RFXANK: variants seen among roughly 807,000 people sequenced by gnomAD.
RFXANK encodes the protein DNA-binding protein RFXANK.
In RFXANK, 19 loss-of-function variants were observed where a neutral mutation model predicts 34.5. That is an observed-to-expected ratio of 0.55 (90% CI 0.38 to 0.81). The LOEUF (loss-of-function observed/expected upper bound fraction) is 0.81. Ranked by LOEUF, RFXANK falls within the 30% of genes least tolerant of loss-of-function variation. The pLI is 0.00. For synonymous variants in RFXANK, 154 were observed against 149.8 expected (o/e 1.03, Z -0.20); for missense variants, 295 against 343.5 (o/e 0.86, Z 1.12).
intron 9 of RFXANK, among the ~76,000 whole-genome samples, chr19:19,200,147 A>C (rs1367666010): frequency 2.8e-5 from 4 of 145,450 alleles, no homozygotes; most frequent in African/African-American, 1.0e-4. Flanking sequence ...GGCATTCGTC[A>C]CCATGCCTGG....
intron 3 of RFXANK, among the ~76,000 whole-genome samples, chr19:19,195,166 C>G (rs2060576036): frequency 6.7e-6 from 1 of 148,248 alleles, no homozygotes; most frequent in Non-Finnish European, 1.5e-5. Context: ...TCACGCCATT[C>G]TCCTGCTTCA....
In RFXANK at chr19:19,197,246, G is replaced by A. The variant is rs752109217; in HGVS notation, c.332G>A (p.Arg111Gln). Residue 111 changes from arginine to glutamine, a missense_variant, in exon 5 of 10, where the codon CGG becomes CAG. Transcript: ENST00000303088. Reference protein sequence around the residue: ...GELDQLKEHLRKGDNLVNKPD... With the variant: ...GELDQLKEHLQKGDNLVNKPD... Reference sequence around the variant, plus strand: ...CTGGACCAGCTGAAGGAGCATTTGCGGAAAGGTGCGTGTCCACACACATGT... The same window carrying A: ...CTGGACCAGCTGAAGGAGCATTTGCAGAAAGGTGCGTGTCCACACACATGT... 74 of 1,612,730 alleles carry A rather than the reference G, an allele frequency of 4.6e-5. No individual in the cohort carries two copies. The highest frequency in any genetic ancestry group is 1.5e-4 in the Admixed American group (9 of 59,998).
chr19:19,201,385 T>C, intron 9 of RFXANK: 1 of 1,281,670 alleles, frequency 7.8e-7, no homozygotes, highest in Non-Finnish European at 1.1e-6. Flanking sequence ...GGCTCATCTT[T>C]TCATGAAAGT....
rs770144513 is a variant in RFXANK, at chr19:19,197,199, C to G, written c.285C>G (p.His95Gln). The G allele has an allele frequency of 6.2e-7, 1 of 1,613,932 alleles. No individual in the cohort carries two copies. Residue 95 changes from histidine to glutamine, a missense_variant, in exon 5 of 10, where the codon CAC becomes CAG. Coordinates refer to ENST00000303088, the MANE Select transcript of RFXANK (RefSeq NM_003721.4). Reference sequence around the variant, plus strand: ...GTCCTGCCCCAGCCCTGTCCATCCACCAGCTCGCAGCACAGGGGGAGCTGG... The same window carrying G: ...GTCCTGCCCCAGCCCTGTCCATCCAGCAGCTCGCAGCACAGGGGGAGCTGG... ...LPATLDSLSI[H>Q]QLAAQGELDQ...
rs1332695497 is a variant in RFXANK at position 19,197,231 on chromosome 19, T to G, written c.317T>G (p.Leu106Arg). The G allele has an allele frequency of 1.9e-6, 3 of 1,613,196 alleles. No homozygotes were observed. Among genetic ancestry groups the G allele is most frequent in the Non-Finnish European group, 2.5e-6 (3 of 1,180,036 alleles). Residue 106 changes from leucine (L) to arginine (R), a missense_variant, in exon 5 of 10, where the codon CTG becomes CGG. Transcript: ENST00000303088. ...GCAGCACAGGGGGAGCTGGACCAGC[T>G]GAAGGAGCATTTGCGGAAAGGTGCG... ...QLAAQGELDQ[L>R]KEHLRKGDNL...
At chr19:19,199,339 G>C in intron 9 of RFXANK, 105 bp downstream of exon 9, 1 of 1,118,400 alleles carries the variant, frequency 8.9e-7, no homozygotes, top group South Asian at 1.2e-5. Flanking sequence ...CCGGCAGCGA[G>C]AGTGTGTTGA....
intron 5 of RFXANK, 77 bp from the exon 6 acceptor site, chr19:19,197,444 C>A: frequency 6.8e-7 from 1 of 1,462,762 alleles, no homozygotes; most frequent in Non-Finnish European, 9.5e-7. Context: ...CAGCCCCCCA[C>A]CTCGTCCCCA....
In RFXANK at chr19:19,192,313, G is replaced by T. The variant is rs2060496154; in HGVS notation, c.-391G>T. 3 of 692,078 alleles carry T rather than the reference G, an allele frequency of 4.3e-6. No individual in the cohort carries two copies. In the South Asian group the frequency reaches 5.7e-5, roughly 13 times the overall value. 42.9% of individuals were successfully genotyped at this position (692,078 alleles called of 1,614,324 possible). A position where few individuals can be genotyped will look rare whatever the true frequency, so the allele number is the denominator to read the frequency against. On this transcript the variant is annotated 5_prime_UTR_variant, in exon 1 of 10. Transcript: ENST00000303088. ...CGCAGGGAAGGAGGCACACCCGGGG[G>T]TGGCGCAGTGAGGAGGGGGCGCGAC...
At chr19:19,197,288 C>T (rs1040416193) in intron 5 of RFXANK, 37 bp downstream of exon 5, 3 of 1,604,804 alleles carry the variant, frequency 1.9e-6, no homozygotes, top group Non-Finnish European at 2.6e-6. Context: ...ATGTCTGCAC[C>T]TGGCTGGTGT....
rs776149718 is a variant in RFXANK, at chr19:19,197,571, TG to T, written c.391del (p.Ala131ProfsTer73). ...CGAGCGCGGCTTCACCCCCCTCATC[TG>T]GGCCTCCGCCTTTGGAGAGATTGAG... ...PDERGFTPLI[W>X]ASAFGEIETV... On this transcript the variant is annotated frameshift_variant, in exon 6 of 10. Coordinates refer to ENST00000303088, the MANE Select transcript of RFXANK (RefSeq NM_003721.4). LOFTEE classifies it high-confidence loss of function. 1.2e-6 allele frequency: 2 copies of T among 1,613,894 alleles called. No individual in the cohort carries two copies. Among genetic ancestry groups the T allele is most frequent in the Non-Finnish European group, 1.7e-6 (2 of 1,180,006 alleles).
chr19:19,197,234 A>T lies in RFXANK; in HGVS notation c.320A>T (p.Lys107Met). The T allele has an allele frequency of 6.2e-7, 1 of 1,613,282 alleles. No individual in the cohort carries two copies. Among genetic ancestry groups the T allele is most frequent in the Non-Finnish European group, 8.5e-7 (1 of 1,180,026 alleles). Residue 107 changes from lysine to methionine, a missense_variant, in exon 5 of 10, where the codon AAG becomes ATG. Physicochemically the swap from Lys to Met is moderately conservative, Grantham distance 95 (BLOSUM62 -1). Transcript: ENST00000303088. ...GCACAGGGGGAGCTGGACCAGCTGAAGGAGCATTTGCGGAAAGGTGCGTGT... is the reference window on the plus strand; with the variant it reads ...GCACAGGGGGAGCTGGACCAGCTGATGGAGCATTTGCGGAAAGGTGCGTGT... The part of the protein sequence containing the change: ...LAAQGELDQL[K>M]EHLRKGDNLV...
chr19:19,194,648 C>T (rs1031838160), intron 3 of RFXANK, among the ~76,000 whole-genome samples: 5 of 152,026 alleles, frequency 3.3e-5, no homozygotes, highest in Admixed American at 1.3e-4. Flanking sequence ...CACTCAGCCT[C>T]CCTAGGAGCT....
chr19:19,197,080 A>G (rs1188060430), intron 4 of RFXANK, 34 bp downstream of exon 4: 1 of 1,612,586 alleles, frequency 6.2e-7, no homozygotes, highest in Non-Finnish European at 8.5e-7. Flanking sequence ...CAAGGAGAGG[A>G]GTAGGAGGGT....
chr19:19,197,109 C>T lies in RFXANK; in HGVS notation c.271+63C>T, dbSNP rs988142211. The T allele has an allele frequency of 2.5e-6, 4 of 1,610,342 alleles. No homozygotes were observed. In the African/African-American group the frequency reaches 5.3e-5, roughly 22 times the overall value. On this transcript the variant is annotated intron_variant, in intron 4 of 9. Coordinates refer to ENST00000303088, the MANE Select transcript of RFXANK (RefSeq NM_003721.4). ...GGAGGGTGGGAGGGCCTGTGAGGAG[C>T]AATCGTGGACAGAGGGTAAACTGAG...
In RFXANK at chr19:19,194,618, A is replaced by G. The variant is rs78977330; in HGVS notation, c.187+485A>G. 3.2e-3 allele frequency among the ~76,000 whole-genome samples: 486 copies of G among 151,310 alleles called. 1 individual carries two copies. The highest frequency in any genetic ancestry group is 5.6e-3 in the Non-Finnish European group (381 of 67,890). ...GCAATCATAGTTCACTGCAGCCTCAACTTCCTGGGCTGAAGCCATCACTCA... is the reference window on the plus strand; with the variant it reads ...GCAATCATAGTTCACTGCAGCCTCAGCTTCCTGGGCTGAAGCCATCACTCA... On this transcript the variant is annotated intron_variant, in intron 3 of 9. Transcript: ENST00000303088.
chr19:19,197,161 G>A (rs758782940), intron 4 of RFXANK, 25 bp from the exon 5 acceptor site: 3 of 1,613,824 alleles, frequency 1.9e-6, no homozygotes, highest in African/African-American at 1.3e-5. Context: ...GGATGAGTGA[G>A]GACTCTGCCT....
chr19:19,199,059 G>T, intron 8 of RFXANK, 95 bp from the exon 9 acceptor site: 1 of 1,222,320 alleles, frequency 8.2e-7, no homozygotes, highest in Non-Finnish European at 1.2e-6. Flanking sequence ...GCTGCATTGT[G>T]GGGAATGAGG....
intron 9 of RFXANK, 173 bp from the exon 10 acceptor site, chr19:19,201,476 A>G: frequency 1.3e-6 from 2 of 1,579,712 alleles, no homozygotes; most frequent in Non-Finnish European, 1.7e-6. Context: ...TTACAAACTT[A>G]GGGGAAGTTG....
intron 2 of RFXANK, among the ~76,000 whole-genome samples, 182 bp from the exon 3 acceptor site, chr19:19,193,757 G>A (rs1397712379): frequency 6.6e-6 from 1 of 152,140 alleles, no homozygotes; most frequent in Non-Finnish European, 1.5e-5. Context: ...GTGCTTTGGT[G>A]GTGGGGAATG....
Sources: allele counts gnomAD v4.1 joint callset (sites outside exome capture counted in the v4.1 genomes callset), GRCh38; gene constraint gnomAD v4.1.1; transcripts MANE v1.5; gene names NCBI Gene and HGNC (gene_info 2026-07-23, HGNC 2026-07-21).